The following CAST variants were observed in gnomAD, a reference collection of about 807,000 sequenced individuals.
The protein encoded by CAST is MIR583 host.
A neutral mutation model predicts 119.6 loss-of-function variants in CAST; 76 were observed. That is an observed-to-expected ratio of 0.64 (90% CI 0.53 to 0.77). CAST has a LOEUF of 0.77. Ranked by LOEUF, CAST falls within the 30% of genes least tolerant of loss-of-function variation. The pLI, the probability that CAST is intolerant of heterozygous loss-of-function variation, is 0.00. For missense variants in CAST, 953 were observed against 946.5 expected (o/e 1.01, Z -0.09); for synonymous variants, 319 against 331.6 (o/e 0.96, Z 0.41).
At chr5:96,265,286 T>C in the CAST span, among the ~76,000 whole-genome samples, 1 of 151,996 alleles carries the variant, frequency 6.6e-6, no homozygotes, top group African/African-American at 2.4e-5. Flanking sequence ...TACATATGTG[T>C]GTATGTAAAT....
intron 1 of CAST, among the ~76,000 whole-genome samples, chr5:96,590,791 A>G (rs1162404435): frequency 3.3e-5 from 5 of 152,226 alleles, no homozygotes; most frequent in Non-Finnish European, 7.3e-5. Context: ...ACAATGTTGG[A>G]AAAATAGTTC....
the CAST span, among the ~76,000 whole-genome samples, chr5:96,194,179 C>T: frequency 3.9e-5 from 6 of 152,254 alleles, 1 homozygote; most frequent in South Asian, 2.1e-4. Flanking sequence ...GAACCCTGTT[C>T]CCTGATGATA....
At chr5:96,515,398 T>C in the CAST span, among the ~76,000 whole-genome samples, 1 of 152,078 alleles carries the variant, frequency 6.6e-6, no homozygotes, top group South Asian at 2.1e-4. Flanking sequence ...AGCAGTCATT[T>C]TGGGACCATA....
chr5:96,330,506 G>A, the CAST span, among the ~76,000 whole-genome samples: 2 of 152,124 alleles, frequency 1.3e-5, no homozygotes, highest in Non-Finnish European at 2.9e-5. Context: ...TCAATAGCTC[G>A]TCGTTTTATT....
chr5:96,018,021 T>A, the CAST span, among the ~76,000 whole-genome samples: 1 of 152,218 alleles, frequency 6.6e-6, no homozygotes, highest in Non-Finnish European at 1.5e-5. Flanking sequence ...CTACCAGTAC[T>A]GATTGTGTTT....
chr5:96,141,778 A>G, the CAST span, among the ~76,000 whole-genome samples: 3 of 152,300 alleles, frequency 2.0e-5, no homozygotes, highest in African/African-American at 7.2e-5. Context: ...GTGTTGGATG[A>G]GCTCTGTTCT....
At chr5:96,236,092 T>C in the CAST span, among the ~76,000 whole-genome samples, 1 of 62,970 alleles carries the variant, frequency 1.6e-5, no homozygotes, top group Non-Finnish European at 3.9e-5. Context: ...TGTCTGTCTG[T>C]CTATCTGTCT....
chr5:96,534,037 T>G (rs1699221957), intron 1 of CAST, among the ~76,000 whole-genome samples: 1 of 152,194 alleles, frequency 6.6e-6, no homozygotes, highest in African/African-American at 2.4e-5. Flanking sequence ...AATATAAACT[T>G]TCAAGCAGAA....
At chr5:96,227,153 A>C in the CAST span, among the ~76,000 whole-genome samples, 1 of 152,184 alleles carries the variant, frequency 6.6e-6, no homozygotes, top group African/African-American at 2.4e-5. Context: ...TTTTAATAAT[A>C]AGAGGCAGCT....
chr5:96,378,577 C>T, the CAST span, among the ~76,000 whole-genome samples: 1 of 151,934 alleles, frequency 6.6e-6, no homozygotes, highest in Non-Finnish European at 1.5e-5. Context: ...TTTTTAGTGC[C>T]AGTTTATTAT....
At chr5:96,699,368 TCTGA>T (rs968416966) in intron 3 of CAST, among the ~76,000 whole-genome samples, 5 of 152,198 alleles carry the variant, frequency 3.3e-5, no homozygotes, top group African/African-American at 9.6e-5. Flanking sequence ...TAGAACCCAC[TCTGA>T]CTAAGCCAAA....
chr5:96,167,934 A>G, the CAST span, among the ~76,000 whole-genome samples: 4 of 152,148 alleles, frequency 2.6e-5, no homozygotes, highest in Non-Finnish European at 5.9e-5. Context: ...AGAATAGCAG[A>G]TGGAACACTG....
the CAST span, among the ~76,000 whole-genome samples, chr5:96,200,301 GTCC>G: frequency 1.3e-5 from 2 of 152,106 alleles, no homozygotes; most frequent in Non-Finnish European, 2.9e-5. Context: ...AGCAGTAGAT[GTCC>G]TCCTCTCTAT....
At chr5:96,179,803 G>A in the CAST span, among the ~76,000 whole-genome samples, 7 of 152,274 alleles carry the variant, frequency 4.6e-5, no homozygotes, top group Admixed American at 3.9e-4. Context: ...TTGGGAGGCC[G>A]AGGCGGGTGG....
the CAST span, among the ~76,000 whole-genome samples, chr5:96,073,405 A>G: frequency 6.6e-6 from 1 of 152,192 alleles, no homozygotes; most frequent in Admixed American, 6.6e-5. Context: ...ACTTTTGCAA[A>G]TAGAAAATAA....
intron 1 of CAST, among the ~76,000 whole-genome samples, chr5:96,534,846 A>G (rs1745772521): frequency 1.5e-5 from 2 of 130,340 alleles, no homozygotes; most frequent in Admixed American, 8.3e-5. Context: ...AGAAGGAAGG[A>G]AGGAGGGAGG....
intron 1 of CAST, among the ~76,000 whole-genome samples, chr5:96,662,785 G>C (rs930912743): frequency 1.3e-5 from 2 of 152,222 alleles, no homozygotes; most frequent in Non-Finnish European, 2.9e-5. Flanking sequence ...TGAGGATGAG[G>C]ATGAACGGGG....
chr5:96,476,216 C>T, the CAST span, among the ~76,000 whole-genome samples: 1 of 152,162 alleles, frequency 6.6e-6, no homozygotes, highest in African/African-American at 2.4e-5. Flanking sequence ...TTTTAGTGCA[C>T]ATTGGAGACT....
chr5:96,372,195 A>G, the CAST span, among the ~76,000 whole-genome samples: 7 of 152,216 alleles, frequency 4.6e-5, no homozygotes, highest in Non-Finnish European at 7.3e-5. Context: ...GGCTGCTACA[A>G]CACAGTTTGT....
Sources: gnomAD v4.1 joint callset for allele counts (sites outside exome capture counted in the v4.1 genomes callset) on GRCh38, gnomAD v4.1.1 for gene constraint, MANE v1.5 for transcripts, NCBI Gene and HGNC (gene_info 2026-07-23, HGNC 2026-07-21) for gene names.